The following BACH2 variants were observed in gnomAD, a reference collection of about 807,000 sequenced individuals.
BACH2 encodes the protein transcription regulator protein BACH2.
In BACH2, 5 loss-of-function variants were observed where a neutral mutation model predicts 61.8. That is an observed-to-expected ratio of 0.08 (90% CI 0.04 to 0.17). BACH2 has a LOEUF of 0.17. Ranked by LOEUF, BACH2 falls within the 10% of genes least tolerant of loss-of-function variation. The probability of loss-of-function intolerance (pLI) is 1.00; values close to 1 mark genes in which losing one functional copy is unlikely to be tolerated. For synonymous variants in BACH2, 446 were observed against 440.1 expected, an observed-to-expected ratio of 1.01 and a Z score of -0.17; for missense variants, 824 against 1,091.1, an observed-to-expected ratio of 0.76 and a Z score of 3.45.
chr6:89,963,657 T>TA (rs1774881164), intron 6 of BACH2, among the ~76,000 whole-genome samples: 1 of 152,136 alleles, frequency 6.6e-6, no homozygotes, highest in Admixed American at 6.5e-5. Context: ...GAAGGTTCCT[T>TA]AAAAAATTAC....
chr6:89,977,025 C>T (rs1775688973), intron 6 of BACH2, among the ~76,000 whole-genome samples: 1 of 152,140 alleles, frequency 6.6e-6, no homozygotes, highest in Non-Finnish European at 1.5e-5. Flanking sequence ...TGTCATTTGT[C>T]TGTAAACTTT....
chr6:90,020,290 T>C (rs1361850206), intron 5 of BACH2, among the ~76,000 whole-genome samples: 2 of 152,156 alleles, frequency 1.3e-5, no homozygotes, highest in Admixed American at 1.3e-4. Flanking sequence ...ATGAAAATCA[T>C]GTTGAAACTT....
chr6:90,132,433 C>T (rs888157198), intron 4 of BACH2, among the ~76,000 whole-genome samples: 4 of 152,174 alleles, frequency 2.6e-5, no homozygotes, highest in African/African-American at 9.7e-5. Context: ...TTCCAGGCTC[C>T]TAGACTTGGA....
chr6:90,035,232 T>G (rs1779204837), intron 5 of BACH2, among the ~76,000 whole-genome samples: 1 of 152,124 alleles, frequency 6.6e-6, no homozygotes. Flanking sequence ...TGCCTTTAAG[T>G]TCTATTACAT....
At chr6:89,985,369 C>T (rs189274254) in intron 6 of BACH2, among the ~76,000 whole-genome samples, 33 of 152,214 alleles carry the variant, frequency 2.2e-4, no homozygotes, top group African/African-American at 6.7e-4. Context: ...GGGGCCCTGG[C>T]GGCAGCTTCC....
At chr6:90,152,382 G>T (rs374313893) in intron 4 of BACH2, among the ~76,000 whole-genome samples, 8 of 152,254 alleles carry the variant, frequency 5.3e-5, no homozygotes, top group African/African-American at 1.9e-4. Context: ...ACTGTGTATG[G>T]TAAAATTTTG....
chr6:90,056,627 A>G (rs1362405662), intron 5 of BACH2, among the ~76,000 whole-genome samples: 3 of 152,282 alleles, frequency 2.0e-5, no homozygotes, highest in East Asian at 1.9e-4. Flanking sequence ...CGGACCTAAT[A>G]GACATCTACA....
At chr6:90,278,754 A>C (rs1418255450) in intron 1 of BACH2, among the ~76,000 whole-genome samples, 2 of 152,160 alleles carry the variant, frequency 1.3e-5, no homozygotes, top group Non-Finnish European at 1.5e-5. Context: ...GTGGCACCTC[A>C]TCTCTAAAAC....
intron 4 of BACH2, among the ~76,000 whole-genome samples, chr6:90,201,683 C>A (rs2127847887): frequency 6.6e-6 from 1 of 152,320 alleles, no homozygotes; most frequent in African/African-American, 2.4e-5. Flanking sequence ...TAAGTACATT[C>A]TCTTCCTTGA....
At position 89,950,407 on chromosome 6, in the gene BACH2, T is replaced by C. The variant is rs1178670996; in HGVS notation, c.1699A>G (p.Met567Val). ...LATEHQEPGL[M>V]GDGMYNQVRP... Reference sequence around the variant, plus strand: ...ACTTGGTTGTACATTCCATCTCCCATCAGGCCTGGTTCCTGATGTTCTGTG... The same window carrying C: ...ACTTGGTTGTACATTCCATCTCCCACCAGGCCTGGTTCCTGATGTTCTGTG... The change falls in exon 7 of 9, where the codon ATG (methionine) becomes GTG (valine). Residue 567 changes from methionine to valine, a missense_variant. Physicochemically the swap from Met to Val is conservative, Grantham distance 21 (BLOSUM62 1). Transcript: ENST00000257749. The surrounding 1 kb of genome is among the most constrained non-coding windows in gnomAD (Gnocchi z 5.3). 2.5e-6 allele frequency: 4 copies of C among 1,614,124 alleles called. No homozygotes were observed. The highest frequency in any genetic ancestry group is 3.4e-6 in the Non-Finnish European group (4 of 1,180,022).
At chr6:90,190,623 A>G (rs192788171) in intron 4 of BACH2, among the ~76,000 whole-genome samples, 1 of 152,368 alleles carries the variant, frequency 6.6e-6, no homozygotes, top group East Asian at 1.9e-4. Flanking sequence ...ATAGAAAACT[A>G]AAATGCTAGA....
At chr6:90,266,421 C>T (rs903082512) in intron 2 of BACH2, among the ~76,000 whole-genome samples, 1 of 152,124 alleles carries the variant, frequency 6.6e-6, no homozygotes, top group African/African-American at 2.4e-5. Flanking sequence ...TTCTTCTTCC[C>T]TCATGCCTCT....
At chr6:90,130,493 G>A (rs553576786) in intron 4 of BACH2, among the ~76,000 whole-genome samples, 4 of 152,314 alleles carry the variant, frequency 2.6e-5, no homozygotes, top group East Asian at 1.9e-4. Context: ...GACCCTGAGC[G>A]TGAGTACTTT....
intron 5 of BACH2, among the ~76,000 whole-genome samples, chr6:90,032,737 G>GATGTAAAAAA (rs1179549999): frequency 3.3e-5 from 5 of 152,288 alleles, no homozygotes; most frequent in African/African-American, 9.6e-5. Context: ...GGAGAAACAG[G>GATGTAAAAAA]AACACTTTTA....
At chr6:90,058,320 A>G (rs1780483628) in intron 5 of BACH2, among the ~76,000 whole-genome samples, 1 of 152,228 alleles carries the variant, frequency 6.6e-6, no homozygotes, top group Admixed American at 6.5e-5. Context: ...GCATTCTTAT[A>G]CACCAATAAC....
chr6:90,198,251 G>A (rs971188321), intron 4 of BACH2, among the ~76,000 whole-genome samples: 1 of 152,152 alleles, frequency 6.6e-6, no homozygotes, highest in South Asian at 2.1e-4. Context: ...CCCATGGCTT[G>A]CTTGCACCCA....
chr6:90,290,682 C>T (rs1271230406), intron 1 of BACH2, among the ~76,000 whole-genome samples: 1 of 152,208 alleles, frequency 6.6e-6, no homozygotes, highest in Non-Finnish European at 1.5e-5. Context: ...ACATTGGGAT[C>T]TCCCAACTTT....
chr6:90,260,144 T>A (rs985697318), intron 2 of BACH2, among the ~76,000 whole-genome samples: 5 of 152,200 alleles, frequency 3.3e-5, no homozygotes, highest in African/African-American at 9.6e-5. Context: ...TGTCACACTA[T>A]TCATTTGAGA....
At chr6:89,993,079 C>T (rs1473818583) in intron 6 of BACH2, among the ~76,000 whole-genome samples, 1 of 152,148 alleles carries the variant, frequency 6.6e-6, no homozygotes, top group African/African-American at 2.4e-5. Context: ...TCTGTAAGCC[C>T]AAAGAGAGGC....
Sources: allele counts gnomAD v4.1 joint callset (sites outside exome capture counted in the v4.1 genomes callset), GRCh38; gene constraint gnomAD v4.1.1; non-coding constraint Gnocchi (gnomAD v3.1); transcripts MANE v1.5; gene names NCBI Gene and HGNC (gene_info 2026-07-23, HGNC 2026-07-21).